Variants in NCKAP5 observed in about 807,000 individuals in gnomAD.
NCKAP5 encodes nck-associated protein 5.
Under a neutral mutation model 167.0 loss-of-function variants are expected in NCKAP5, and 92 were observed. The observed-to-expected ratio is 0.55, with a 90% CI of 0.47 to 0.66. The LOEUF (loss-of-function observed/expected upper bound fraction) is 0.66. Among genes scored for constraint, NCKAP5 ranks in the 30% least tolerant of loss-of-function variants. The pLI is 0.00. For synonymous variants in NCKAP5, 891 were observed against 877.4 expected (o/e 1.02, Z -0.27); for missense variants, 2,378 against 2,315.0 (o/e 1.03, Z -0.56).
At chr2:132,847,391 T>C (rs1574408429) in intron 11 of NCKAP5, among the ~76,000 whole-genome samples, 2 of 152,200 alleles carry the variant, frequency 1.3e-5, no homozygotes, top group African/African-American at 2.4e-5. Context: ...AACTGAAATT[T>C]ACAGAGATGA....
chr2:133,135,055 C>T (rs560760396), intron 5 of NCKAP5, among the ~76,000 whole-genome samples: 1 of 152,016 alleles, frequency 6.6e-6, no homozygotes, highest in South Asian at 2.1e-4. Context: ...GGACATGGTT[C>T]CCGGCTTCGT....
intron 3 of NCKAP5, among the ~76,000 whole-genome samples, chr2:133,429,104 A>G (rs574456536): frequency 2.4e-4 from 36 of 152,308 alleles, no homozygotes; most frequent in African/African-American, 8.2e-4. Flanking sequence ...AAGATTCTGA[A>G]TAACCACCAG....
At chr2:133,513,095 T>A (rs1683641303) in intron 3 of NCKAP5, among the ~76,000 whole-genome samples, 1 of 152,098 alleles carries the variant, frequency 6.6e-6, no homozygotes. Flanking sequence ...AGCATCTAAC[T>A]GAGGAGAGTT....
Position 132,671,927 on chromosome 2 carries a change from C to G in NCKAP5, c.*1362G>C, listed in dbSNP as rs1258057346. ...CAAATTGCACAAATTAACCAAATAACACTGATCATACAATACTCTTTAAAG... is the reference window on the plus strand; with the variant it reads ...CAAATTGCACAAATTAACCAAATAAGACTGATCATACAATACTCTTTAAAG... On this transcript the variant is annotated 3_prime_UTR_variant, in exon 20 of 20. Transcript: ENST00000409261. 1 of 152,556 alleles carries G rather than the reference C, an allele frequency of 6.6e-6. No homozygotes were observed. The highest frequency in any genetic ancestry group is 1.5e-5 in the Non-Finnish European group (1 of 68,014). The allele number at this position is 152,556 out of a possible 1,614,324, so 9.5% of individuals were successfully genotyped here. A position where few individuals can be genotyped will look rare whatever the true frequency, so the allele number is the denominator to read the frequency against.
intron 3 of NCKAP5, among the ~76,000 whole-genome samples, chr2:133,352,480 G>A (rs1385046609): frequency 6.6e-6 from 1 of 152,226 alleles, no homozygotes; most frequent in Non-Finnish European, 1.5e-5. Context: ...TACGTTATGA[G>A]GCATAGAGAA....
intron 19 of NCKAP5, among the ~76,000 whole-genome samples, chr2:132,699,637 T>C (rs914877224): frequency 3.3e-5 from 5 of 152,222 alleles, no homozygotes; most frequent in Non-Finnish European, 7.3e-5. Flanking sequence ...GCTTCATCCA[T>C]GTCCCTACAA....
intron 8 of NCKAP5, among the ~76,000 whole-genome samples, chr2:132,902,891 A>G (rs1228180324): frequency 6.6e-6 from 1 of 152,200 alleles, no homozygotes. Flanking sequence ...TGTGACTGCC[A>G]CATGCCCAGT....
chr2:133,390,515 C>A (rs1430271995), intron 3 of NCKAP5, among the ~76,000 whole-genome samples: 4 of 152,176 alleles, frequency 2.6e-5, no homozygotes, highest in Admixed American at 6.5e-5. Context: ...TGGTTTCTTA[C>A]AGAAAATGCT....
chr2:132,674,224 TAGTA>T (rs1362213927), intron 19 of NCKAP5, among the ~76,000 whole-genome samples: 2 of 152,218 alleles, frequency 1.3e-5, no homozygotes, highest in African/African-American at 4.8e-5. Context: ...TTGGAGATGA[TAGTA>T]AGTGTTACCA....
At chr2:133,528,158 C>A (rs1575109388) in intron 2 of NCKAP5, among the ~76,000 whole-genome samples, 1 of 152,110 alleles carries the variant, frequency 6.6e-6, no homozygotes, top group South Asian at 2.1e-4. Flanking sequence ...GTTTTACACA[C>A]ACATATATGT....
chr2:132,684,799 C>T (rs974817290), intron 19 of NCKAP5, among the ~76,000 whole-genome samples: 6 of 152,234 alleles, frequency 3.9e-5, no homozygotes, highest in Admixed American at 6.5e-5. Context: ...ATATGCTATC[C>T]GTTCTGACAT....
chr2:132,839,134 C>T (rs1688110649), intron 11 of NCKAP5, among the ~76,000 whole-genome samples: 3 of 151,958 alleles, frequency 2.0e-5, no homozygotes, highest in South Asian at 4.2e-4. Context: ...AATACTGCCC[C>T]GTAAAATCTA....
At chr2:133,139,278 A>G (rs2082910085) in intron 5 of NCKAP5, among the ~76,000 whole-genome samples, 2 of 152,216 alleles carry the variant, frequency 1.3e-5, no homozygotes, top group Admixed American at 6.5e-5. Flanking sequence ...ATATCAGGAA[A>G]AGCATAAGCA....
At chr2:133,286,783 C>T (rs1679173181) in intron 4 of NCKAP5, among the ~76,000 whole-genome samples, 1 of 151,476 alleles carries the variant, frequency 6.6e-6, no homozygotes, top group African/African-American at 2.4e-5. Flanking sequence ...AAGGAATCTT[C>T]CTTTGAAGCA....
chr2:133,503,029 T>A (rs1311675451), intron 3 of NCKAP5, among the ~76,000 whole-genome samples: 1 of 152,156 alleles, frequency 6.6e-6, no homozygotes, highest in Non-Finnish European at 1.5e-5. Flanking sequence ...ACAGAAACAA[T>A]TTCAGCTCTC....
intron 3 of NCKAP5, chr2:133,381,652 T>A (rs184373833): frequency 6.6e-6 from 1 of 152,378 alleles, no homozygotes; most frequent in East Asian, 1.9e-4. Flanking sequence ...GAAATCACAG[T>A]GGCCAAATCC....
chr2:133,643,787 A>G, the NCKAP5 span, among the ~76,000 whole-genome samples: 4 of 152,152 alleles, frequency 2.6e-5, no homozygotes, highest in Non-Finnish European at 5.9e-5. Flanking sequence ...TCCTGCTCAC[A>G]TTCTATATGC....
chr2:133,308,812 G>A (rs890082474), intron 3 of NCKAP5, among the ~76,000 whole-genome samples: 2 of 137,982 alleles, frequency 1.4e-5, no homozygotes, highest in African/African-American at 2.7e-5. Flanking sequence ...CCGGGTTCAC[G>A]CCATTCTCCT....
chr2:133,491,684 C>T (rs867964716), intron 3 of NCKAP5, among the ~76,000 whole-genome samples: 5 of 152,006 alleles, frequency 3.3e-5, no homozygotes, highest in African/African-American at 9.7e-5. Flanking sequence ...TTTGACAAGA[C>T]GTGAAGGAAT....
Sources: allele counts gnomAD v4.1 joint callset (sites outside exome capture counted in the v4.1 genomes callset), GRCh38; gene constraint gnomAD v4.1.1; transcripts MANE v1.5; gene names NCBI Gene and HGNC (gene_info 2026-07-23, HGNC 2026-07-21).